ARHGEF10: variants seen among roughly 807,000 people sequenced by gnomAD.
ARHGEF10 encodes Rho guanine nucleotide exchange factor 10.
ARHGEF10 carries 140 observed loss-of-function variants against 147.4 expected under a neutral mutation model. That is an observed-to-expected ratio of 0.95 (90% CI 0.83 to 1.09). ARHGEF10 has a LOEUF of 1.09. Ranked by LOEUF, ARHGEF10 falls within the 50% of genes least tolerant of loss-of-function variation. The pLI is 0.00. For synonymous variants in ARHGEF10, 902 were observed against 695.8 expected (o/e 1.30, Z -4.67); for missense variants, 2,222 against 1,752.7 (o/e 1.27, Z -4.78).
intron 25 of ARHGEF10, among the ~76,000 whole-genome samples, chr8:1,932,290 G>T (rs1040760433): frequency 2.0e-5 from 3 of 152,102 alleles, no homozygotes; most frequent in African/African-American, 7.2e-5. Context: ...TGTGTGAGCA[G>T]GTGTGTATGC....
chr8:1,870,027 G>T (rs886756194), intron 7 of ARHGEF10: 6 of 153,324 alleles, frequency 3.9e-5, no homozygotes, highest in African/African-American at 1.2e-4. Context: ...GGTGACAGGG[G>T]CCCGGAGGGA....
chr8:1,896,492 TAAC>T, intron 14 of ARHGEF10, 43 bp downstream of exon 14: 1 of 1,349,982 alleles, frequency 7.4e-7, no homozygotes, highest in Non-Finnish European at 1.1e-6. Context: ...CACCATCTGA[TAAC>T]AAGTTACATG....
At chr8:1,868,511 G>C (rs906908933) in intron 6 of ARHGEF10, among the ~76,000 whole-genome samples, 7 of 152,210 alleles carry the variant, frequency 4.6e-5, no homozygotes, top group African/African-American at 9.7e-5. Flanking sequence ...GGTGTCCTGT[G>C]TGGTCATCTC....
At chr8:1,908,196 C>T (rs1027519540) in intron 17 of ARHGEF10, among the ~76,000 whole-genome samples, 8 of 148,836 alleles carry the variant, frequency 5.4e-5, no homozygotes, top group Admixed American at 2.0e-4. Flanking sequence ...GCATAGCACC[C>T]GGCATTTTGG....
At chr8:1,866,460 C>G in intron 5 of ARHGEF10, 66 bp from the exon 6 acceptor site, 1 of 1,330,418 alleles carries the variant, frequency 7.5e-7, no homozygotes, top group Non-Finnish European at 1.1e-6. Flanking sequence ...CTCTGCAGGG[C>G]AGTTGGCATC....
intron 26 of ARHGEF10, among the ~76,000 whole-genome samples, chr8:1,939,390 C>T (rs1289270154): frequency 6.6e-6 from 1 of 152,234 alleles, no homozygotes; most frequent in Non-Finnish European, 1.5e-5. Context: ...ACATTGATGA[C>T]ACAGGCCCGG....
intron 1 of ARHGEF10, among the ~76,000 whole-genome samples, chr8:1,830,603 G>C (rs762336710): frequency 3.3e-5 from 5 of 152,184 alleles, no homozygotes; most frequent in African/African-American, 9.7e-5. Flanking sequence ...ATACCGCTGC[G>C]TGCTAAGTAC....
At chr8:1,955,527 ATCC>A (rs1815482887) in intron 28 of ARHGEF10, among the ~76,000 whole-genome samples, 27 of 108,572 alleles carry the variant, frequency 2.5e-4, no homozygotes, top group Middle Eastern at 5.6e-3. Flanking sequence ...AGCTAGGAGC[ATCC>A]TGAAAGGAGG....
chr8:1,882,947 G>T (rs983984061), intron 10 of ARHGEF10, among the ~76,000 whole-genome samples, 198 bp downstream of exon 10: 1 of 152,228 alleles, frequency 6.6e-6, no homozygotes, highest in East Asian at 1.9e-4. Flanking sequence ...GTTTTAGACC[G>T]AGGGCACCCA....
In ARHGEF10 at chr8:1,824,309, C is replaced by T. The variant is rs973309637; in HGVS notation, c.-48+196C>T. Among the ~76,000 whole-genome samples the T allele has an allele frequency of 1.5e-4, 23 of 152,078 alleles. No homozygotes were observed. The East Asian group carries it at 4.5e-3, about 30-fold the overall frequency. Reference sequence around the variant, plus strand: ...AGCAGCTCCCCCTTCCGCGGCGCCCCCGGCCCCTCAGGATAACGGCGCGGG... The same window carrying T: ...AGCAGCTCCCCCTTCCGCGGCGCCCTCGGCCCCTCAGGATAACGGCGCGGG... On this transcript the variant is annotated intron_variant, in intron 1 of 28. Coordinates refer to ENST00000349830, the MANE Select transcript of ARHGEF10 (RefSeq NM_014629.4).
At chr8:1,841,204 A>G (rs553862253) in intron 1 of ARHGEF10, among the ~76,000 whole-genome samples, 96 of 152,230 alleles carry the variant, frequency 6.3e-4, no homozygotes, top group Non-Finnish European at 1.0e-3. Context: ...AAAAATAATA[A>G]CAGTACCTAC....
intron 16 of ARHGEF10, chr8:1,904,121 T>C (rs893239031): frequency 2.0e-5 from 3 of 152,494 alleles, no homozygotes; most frequent in Non-Finnish European, 4.4e-5. Context: ...TTCACAAACA[T>C]TTTTTGTCTT....
At chr8:1,925,904 T>C (rs56680073) in intron 22 of ARHGEF10, among the ~76,000 whole-genome samples, 8,318 of 152,282 alleles carry the variant, frequency 0.055, 321 homozygotes, top group African/African-American at 0.1. Context: ...AATGTCTTAT[T>C]CTTTAAGAAA....
rs769283683 is a variant in ARHGEF10 at position 1,948,271 on chromosome 8, C to T, written c.3397+2616C>T. ...AGTGCGTGCTCTCAGCCCCCTGCTC[C>T]GGGGGCCCCTGAATCGTGGGTCTTT... On this transcript the variant is annotated intron_variant, in intron 27 of 28. Coordinates refer to ENST00000349830, the MANE Select transcript of ARHGEF10 (RefSeq NM_014629.4). This position sits in a 1 kb window ranked among gnomAD's most constrained non-coding sequence, Gnocchi z 4.9. Among the ~76,000 whole-genome samples, 2 of 152,138 alleles carry T rather than the reference C, an allele frequency of 1.3e-5. No individual in the cohort carries two copies. The highest frequency in any genetic ancestry group is 2.9e-5 in the Non-Finnish European group (2 of 68,012).
At chr8:1,949,028 G>C (rs944872648) in intron 27 of ARHGEF10, among the ~76,000 whole-genome samples, 1 of 152,016 alleles carries the variant, frequency 6.6e-6, no homozygotes, top group Admixed American at 6.5e-5. Context: ...ATGTGTGTGT[G>C]TGTGTGTGTG....
At chr8:1,843,981 AG>A (rs1804302078) in intron 2 of ARHGEF10, among the ~76,000 whole-genome samples, 1 of 152,192 alleles carries the variant, frequency 6.6e-6, no homozygotes, top group African/African-American at 2.4e-5. Flanking sequence ...AGACTATGCC[AG>A]GGTTGCCAGC....
At chr8:1,847,325 C>T (rs974723426) in intron 2 of ARHGEF10, among the ~76,000 whole-genome samples, 1 of 152,204 alleles carries the variant, frequency 6.6e-6, no homozygotes, top group African/African-American at 2.4e-5. Flanking sequence ...AGTACTTAGA[C>T]CTAGCTGGTA....
In ARHGEF10 at chr8:1,872,525, G is replaced by A. The variant is rs79053763; in HGVS notation, c.679+3275G>A. The stretch of plus-strand genomic sequence containing the variant: ...GCATGACCCTAACAAGTAAGCAAGA[G>A]CCTGTTTTAACCTTTTACATTCATG... On this transcript the variant is annotated intron_variant, in intron 7 of 28. Coordinates refer to ENST00000349830, the MANE Select transcript of ARHGEF10 (RefSeq NM_014629.4). 4.7e-4 allele frequency among the ~76,000 whole-genome samples: 72 copies of A among 152,338 alleles called. No homozygotes were observed. In the East Asian group the frequency reaches 0.012, roughly 26 times the overall value.
chr8:1,848,554 A>G (rs1804731443), intron 2 of ARHGEF10, among the ~76,000 whole-genome samples: 1 of 152,244 alleles, frequency 6.6e-6, no homozygotes, highest in Non-Finnish European at 1.5e-5. Flanking sequence ...TGTATTCACT[A>G]TTAAATGTAT....
Sources: allele counts gnomAD v4.1 joint callset (sites outside exome capture counted in the v4.1 genomes callset), GRCh38; gene constraint gnomAD v4.1.1; non-coding constraint Gnocchi (gnomAD v3.1); transcripts MANE v1.5; gene names NCBI Gene and HGNC (gene_info 2026-07-23, HGNC 2026-07-21).